Variants in ARK2N observed in about 807,000 individuals in gnomAD.
The protein encoded by ARK2N is protein ARK2N.
chr18:46,232,289 T>G, the ARK2N span: 1 of 152,220 alleles, frequency 6.6e-6, no homozygotes, highest in Non-Finnish European at 1.5e-5. Context: ...GCAAGTTATC[T>G]TACAAAAAGG....
the ARK2N span, among the ~76,000 whole-genome samples, chr18:46,261,203 G>T: frequency 3.9e-4 from 60 of 152,248 alleles, no homozygotes; most frequent in Middle Eastern, 3.4e-3. Flanking sequence ...GATGATTCTT[G>T]TTGTGTTTTG....
the ARK2N span, among the ~76,000 whole-genome samples, chr18:46,187,831 T>C: frequency 6.6e-6 from 1 of 152,200 alleles, no homozygotes; most frequent in African/African-American, 2.4e-5. Context: ...GTTTAATATT[T>C]AAACTGTAAG....
At chr18:46,215,711 G>C in the ARK2N span, 2 of 587,706 alleles carry the variant, frequency 3.4e-6, no homozygotes, top group African/African-American at 3.7e-5. Context: ...AAAGGCCTGT[G>C]TAATAGTAAG....
At chr18:46,259,811 T>TGTGTGTTTGACAGAGATGGG in the ARK2N span, among the ~76,000 whole-genome samples, 2 of 150,106 alleles carry the variant, frequency 1.3e-5, no homozygotes. Context: ...TGTGTGTGTG[T>TGTGTGTTTGACAGAGATGGG]GTTTGACAGA....
At chr18:46,248,688 G>A in the ARK2N span, among the ~76,000 whole-genome samples, 2 of 152,084 alleles carry the variant, frequency 1.3e-5, no homozygotes, top group South Asian at 4.1e-4. Context: ...GGGTTCAAGC[G>A]ATTCTCCTGC....
chr18:46,182,401 G>A, the ARK2N span, among the ~76,000 whole-genome samples: 5 of 152,060 alleles, frequency 3.3e-5, no homozygotes, highest in Admixed American at 6.6e-5. Flanking sequence ...ATTGTCTTCT[G>A]AAGGAGATAG....
chr18:46,174,983 C>G, the ARK2N span, among the ~76,000 whole-genome samples: 1 of 152,242 alleles, frequency 6.6e-6, no homozygotes, highest in African/African-American at 2.4e-5. Flanking sequence ...ATGTGTCAGT[C>G]TCCAAAATAG....
the ARK2N span, chr18:46,216,959 T>G: frequency 8.5e-5 from 16 of 189,040 alleles, no homozygotes; most frequent in East Asian, 2.0e-3. The surrounding 1 kb of genome is among the most constrained non-coding windows in gnomAD (Gnocchi z 4.3). Context: ...TACATTCTCC[T>G]CAGGAATAGG....
At chr18:46,265,102 A>T in the ARK2N span, 1 of 152,630 alleles carries the variant, frequency 6.6e-6, no homozygotes, top group Non-Finnish European at 1.5e-5. Context: ...TTTAGGATTA[A>T]TTTATTGAAT....
chr18:46,205,891 AATTTTTTTGT>A, the ARK2N span, among the ~76,000 whole-genome samples: 1 of 151,782 alleles, frequency 6.6e-6, no homozygotes, highest in African/African-American at 2.4e-5. Context: ...ATGCTCGGCT[AATTTTTTTGT>A]ATTTTTTTTC....
chr18:46,194,307 G>A, the ARK2N span, among the ~76,000 whole-genome samples: 156 of 150,838 alleles, frequency 1.0e-3, 1 homozygote, highest in Non-Finnish European at 9.1e-4. Flanking sequence ...GGAGGTTTAA[G>A]ATTCTTTAAT....
chr18:46,209,971 T>G, the ARK2N span, among the ~76,000 whole-genome samples: 1 of 152,158 alleles, frequency 6.6e-6, no homozygotes, highest in Admixed American at 6.6e-5. Flanking sequence ...CAATATTTAA[T>G]CCCCTTTTAA....
chr18:46,197,816 T>C, the ARK2N span, among the ~76,000 whole-genome samples: 1 of 152,228 alleles, frequency 6.6e-6, no homozygotes, highest in South Asian at 2.1e-4. Flanking sequence ...GGACGTGTGT[T>C]GGTAGTTCCT....
At chr18:46,182,337 A>G in the ARK2N span, among the ~76,000 whole-genome samples, 4 of 152,198 alleles carry the variant, frequency 2.6e-5, no homozygotes, top group Non-Finnish European at 4.4e-5. Flanking sequence ...GAATTTTGGC[A>G]GCTTTTATCT....
the ARK2N span, among the ~76,000 whole-genome samples, chr18:46,219,578 T>A: frequency 6.6e-6 from 1 of 151,974 alleles, no homozygotes; most frequent in South Asian, 2.1e-4. Context: ...CAAGCGATTC[T>A]CCTGCCTCAG....
chr18:46,179,547 T>C, the ARK2N span, among the ~76,000 whole-genome samples: 1 of 152,096 alleles, frequency 6.6e-6, no homozygotes, highest in Non-Finnish European at 1.5e-5. Context: ...GTTTTCACAC[T>C]CAGCCTACAG....
At chr18:46,199,384 G>A in the ARK2N span, among the ~76,000 whole-genome samples, 1 of 151,336 alleles carries the variant, frequency 6.6e-6, no homozygotes, top group African/African-American at 2.4e-5. Flanking sequence ...GAGTGATCTC[G>A]GCTCAGTGCA....
chr18:46,234,150 A>G, the ARK2N span, among the ~76,000 whole-genome samples: 1 of 152,000 alleles, frequency 6.6e-6, no homozygotes, highest in Non-Finnish European at 1.5e-5. Flanking sequence ...TTTACACTTG[A>G]TCTTAGTTAA....
At chr18:46,255,356 T>C in the ARK2N span, among the ~76,000 whole-genome samples, 1 of 152,186 alleles carries the variant, frequency 6.6e-6, no homozygotes, top group South Asian at 2.1e-4. Flanking sequence ...ATACCTTCTG[T>C]ATTTATTCTG....
Sources: allele counts gnomAD v4.1 joint callset (sites outside exome capture counted in the v4.1 genomes callset), GRCh38; gene constraint gnomAD v4.1.1; non-coding constraint Gnocchi (gnomAD v3.1); transcripts MANE v1.5; gene names NCBI Gene and HGNC (gene_info 2026-07-23, HGNC 2026-07-21).